The following XKR7 variants were observed in gnomAD, a reference collection of about 807,000 sequenced individuals.
XKR7 encodes the protein XK-related protein 7.
A neutral mutation model predicts 42.2 loss-of-function variants in XKR7; 11 were observed. That is an observed-to-expected ratio of 0.26 (90% CI 0.16 to 0.43). The LOEUF is 0.43. Ranked by LOEUF, XKR7 falls within the 20% of genes least tolerant of loss-of-function variation. The pLI, the probability that XKR7 is intolerant of heterozygous loss-of-function variation, is 1.00. For synonymous variants in XKR7, 346 were observed against 366.4 expected (o/e 0.94, Z 0.64); for missense variants, 710 against 802.2 (o/e 0.89, Z 1.39).
At chr20:31,992,328 C>T (rs1317360103) in intron 1 of XKR7, among the ~76,000 whole-genome samples, 5 of 152,254 alleles carry the variant, frequency 3.3e-5, no homozygotes, top group Middle Eastern at 3.4e-3. Flanking sequence ...CTGCAGGGAT[C>T]CTTATGTGTG....
chr20:32,002,468 G>T lies in XKR7; in HGVS notation c.*5011G>T, dbSNP rs1314909584. On this transcript the variant is annotated 3_prime_UTR_variant, in exon 3 of 3. Transcript: ENST00000562532. ...CAGATCGAATCTGACCCTTTTCCCTGGTCTCCATTGTGCTAAACCACCGAA... is the reference window on the plus strand; with the variant it reads ...CAGATCGAATCTGACCCTTTTCCCTTGTCTCCATTGTGCTAAACCACCGAA... The T allele has an allele frequency of 6.6e-6, 1 of 152,068 alleles. No homozygotes were observed. The highest frequency in any genetic ancestry group is 2.4e-5 in the African/African-American group (1 of 41,386). The allele number at this position is 152,068 out of a possible 1,614,324, so 9.4% of individuals were successfully genotyped here. A position where few individuals can be genotyped will look rare whatever the true frequency, so the allele number is the denominator to read the frequency against.
Position 31,968,859 on chromosome 20 carries a change from C to A in XKR7, c.584+100C>A. 1 of 1,409,192 alleles carries A rather than the reference C, an allele frequency of 7.1e-7. No individual in the cohort carries two copies. Among genetic ancestry groups the A allele is most frequent in the Non-Finnish European group, 9.3e-7 (1 of 1,079,102 alleles). The allele number at this position is 1,409,192 out of a possible 1,614,324, so 87.3% of individuals were successfully genotyped here. On this transcript the variant is annotated intron_variant, in intron 1 of 2. Coordinates refer to ENST00000562532, the MANE Select transcript of XKR7 (RefSeq NM_001011718.2). The surrounding 1 kb of genome is among the most constrained non-coding windows in gnomAD (Gnocchi z 4.5). ...TGATCTGACCTTTCCGGGCTACCCTCCTGTCCTGACCTCCCCCCCTCCCCA... is the reference window on the plus strand; with the variant it reads ...TGATCTGACCTTTCCGGGCTACCCTACTGTCCTGACCTCCCCCCCTCCCCA...
chr20:31,993,887 C>G (rs1241729783), intron 1 of XKR7, among the ~76,000 whole-genome samples: 2 of 152,140 alleles, frequency 1.3e-5, no homozygotes, highest in Non-Finnish European at 2.9e-5. Flanking sequence ...AAGAGTCATC[C>G]CGGGTTGGGG....
chr20:31,993,111 C>CACACACACACACACAT (rs144007726), intron 1 of XKR7, among the ~76,000 whole-genome samples: 3,280 of 150,564 alleles, frequency 0.022, 112 homozygotes, highest in African/African-American at 0.074. Flanking sequence ...CACACACACA[C>CACACACACACACACAT]ACACATACAC....
chr20:31,981,028 G>A (rs1343161633), intron 1 of XKR7, among the ~76,000 whole-genome samples: 3 of 147,940 alleles, frequency 2.0e-5, no homozygotes, highest in East Asian at 4.0e-4. Flanking sequence ...TCTCATCACT[G>A]CACTCCAGCC....
Position 31,996,974 on chromosome 20 carries a change from C to T in XKR7, c.1257C>T (p.Cys419=), listed in dbSNP as rs2064595911. ...STDFYSLIMV[C]VVASSFALGI... ...ACTTCTACTCGCTCATCATGGTCTG[C>T]GTAGTGGCCTCCAGCTTTGCGCTGG... The change falls in exon 3 of 3, where the codon TGC becomes TGT. Residue 419 remains cysteine (C), a synonymous_variant. Transcript: ENST00000562532. The T allele has an allele frequency of 6.2e-7, 1 of 1,614,162 alleles. No homozygotes were observed. Among genetic ancestry groups the T allele is most frequent in the South Asian group, 1.1e-5 (1 of 91,088 alleles).
intron 1 of XKR7, among the ~76,000 whole-genome samples, chr20:31,988,120 T>G (rs1015486759): frequency 1.3e-5 from 2 of 152,170 alleles, no homozygotes; most frequent in Admixed American, 6.5e-5. Flanking sequence ...CTGAATGGAC[T>G]GAGGTGCAGG....
chr20:31,989,281 C>A (rs554763912), intron 1 of XKR7, among the ~76,000 whole-genome samples: 1 of 119,508 alleles, frequency 8.4e-6, no homozygotes, highest in Non-Finnish European at 1.9e-5. Flanking sequence ...GGACACCCCC[C>A]CCCCAGCGCA....
At chr20:31,983,921 C>T (rs1476398288) in intron 1 of XKR7, among the ~76,000 whole-genome samples, 1 of 151,130 alleles carries the variant, frequency 6.6e-6, no homozygotes, top group South Asian at 2.1e-4. Context: ...GCACTCCAGC[C>T]TGGGTGACAG....
intron 1 of XKR7, among the ~76,000 whole-genome samples, chr20:31,993,195 T>A (rs2122278581): frequency 6.6e-6 from 1 of 151,882 alleles, no homozygotes; most frequent in South Asian, 2.1e-4. Context: ...CAGCAAAGAG[T>A]GTGCCTGCCC....
chr20:31,969,182 C>T (rs1479589216), intron 1 of XKR7, among the ~76,000 whole-genome samples: 1 of 152,324 alleles, frequency 6.6e-6, no homozygotes, highest in Non-Finnish European at 1.5e-5. Flanking sequence ...TTCCTGCTCG[C>T]AAAGATCCTC....
chr20:31,996,926 C>A lies in XKR7; in HGVS notation c.1209C>A (p.Tyr403Ter). ...ACGCCGCGCTCACCGGCTTCTGGTA[C>A]TCCAGCCGCAACTTCTCAACCGACT... is the stretch of plus-strand genomic sequence containing the variant. The part of the protein sequence containing the change: ...LENAALTGFW[Y>*]SSRNFSTDFY... The change falls in exon 3 of 3, where the codon TAC becomes TAA. Residue 403 changes from tyrosine to a stop codon, truncating the protein, a stop_gained. Coordinates refer to ENST00000562532, the MANE Select transcript of XKR7 (RefSeq NM_001011718.2). LOFTEE classifies it high-confidence loss of function. The A allele has an allele frequency of 6.2e-7, 1 of 1,613,958 alleles. No homozygotes were observed. Among genetic ancestry groups the A allele is most frequent in the Non-Finnish European group, 8.5e-7 (1 of 1,180,022 alleles).
chr20:31,991,706 G>A (rs1299205966), intron 1 of XKR7, among the ~76,000 whole-genome samples: 1 of 152,200 alleles, frequency 6.6e-6, no homozygotes, highest in East Asian at 1.9e-4. Context: ...GCAAACCTCT[G>A]GCCATTCCCC....
At chr20:31,994,752 C>T (rs1165952983) in intron 1 of XKR7, among the ~76,000 whole-genome samples, 2 of 152,156 alleles carry the variant, frequency 1.3e-5, no homozygotes, top group Non-Finnish European at 2.9e-5. Flanking sequence ...ATTGTAAGCT[C>T]AGCGCACTCC....
Position 31,997,537 on chromosome 20 carries a change from C to T in XKR7, c.*80C>T. ...AGTGTTGTGCCCCGAATTTCAGGGC[C>T]ACCAGGCTAAGGGGGAGTGGATCTG... On this transcript the variant is annotated 3_prime_UTR_variant, in exon 3 of 3. Coordinates refer to ENST00000562532, the MANE Select transcript of XKR7 (RefSeq NM_001011718.2). 1 of 1,334,048 alleles carries T rather than the reference C, an allele frequency of 7.5e-7. No homozygotes were observed. Among genetic ancestry groups the T allele is most frequent in the African/African-American group, 1.5e-5 (1 of 68,812 alleles). 82.6% of individuals were successfully genotyped at this position (1,334,048 alleles called of 1,614,324 possible). A position where few individuals can be genotyped will look rare whatever the true frequency, so the allele number is the denominator to read the frequency against.
chr20:31,990,647 T>C (rs1011292182), intron 1 of XKR7, among the ~76,000 whole-genome samples: 32 of 152,244 alleles, frequency 2.1e-4, no homozygotes, highest in Non-Finnish European at 3.1e-4. Context: ...AAACATCCCA[T>C]GTAAATTATA....
rs1036647919 is a variant in XKR7 at position 31,981,850 on chromosome 20, G to A, written c.584+13091G>A. Reference sequence around the variant, plus strand: ...CACTTACTGCTCCCTCCCACTTCAGGACTTTTGCCTATGTTGTTTCCTCAG... The same window carrying A: ...CACTTACTGCTCCCTCCCACTTCAGAACTTTTGCCTATGTTGTTTCCTCAG... On this transcript the variant is annotated intron_variant, in intron 1 of 2. Transcript: ENST00000562532. Among the ~76,000 whole-genome samples the A allele has an allele frequency of 7.2e-5, 11 of 152,194 alleles. 1 individual carries two copies. The highest frequency in any genetic ancestry group is 5.9e-4 in the Admixed American group (9 of 15,282).
chr20:31,983,347 G>GT lies in XKR7; in HGVS notation c.585-11720dup, dbSNP rs778127553. On this transcript the variant is annotated intron_variant, in intron 1 of 2. Coordinates refer to ENST00000562532, the MANE Select transcript of XKR7 (RefSeq NM_001011718.2). ...GATGTGTGTTACTTAAAAAAACAGG[G>GT]TAACATGACAGAAAGTGACCAGAGA... 6.8e-4 allele frequency among the ~76,000 whole-genome samples: 103 copies of GT among 152,308 alleles called. 1 individual carries two copies. The highest frequency in any genetic ancestry group is 9.4e-4 in the Non-Finnish European group (64 of 68,024).
In XKR7 at chr20:31,996,602, C is replaced by A. The variant is rs1192733539; in HGVS notation, c.885C>A (p.Ser295=). 1.6e-5 allele frequency: 25 copies of A among 1,567,160 alleles called. No homozygotes were observed. Among genetic ancestry groups the A allele is most frequent in the Non-Finnish European group, 1.5e-5 (17 of 1,156,998 alleles). The stretch of plus-strand genomic sequence containing the variant: ...CGCGGGACGACAAGCGGCCGCTGTC[C>A]TACAAGGGCGCCGTGGCACAGGTGC... ...RDSRDDKRPL[S]YKGAVAQVLW... The change falls in exon 3 of 3, where the codon TCC becomes TCA. Residue 295 remains serine, a synonymous_variant. Coordinates refer to ENST00000562532, the MANE Select transcript of XKR7 (RefSeq NM_001011718.2).
Sources: allele counts gnomAD v4.1 joint callset (sites outside exome capture counted in the v4.1 genomes callset), GRCh38; gene constraint gnomAD v4.1.1; non-coding constraint Gnocchi (gnomAD v3.1); transcripts MANE v1.5; gene names NCBI Gene and HGNC (gene_info 2026-07-23, HGNC 2026-07-21).